TMEM120B: variants seen among roughly 807,000 people sequenced by gnomAD.
TMEM120B encodes transmembrane protein 120B.
TMEM120B carries 31 observed loss-of-function variants against 55.5 expected under a neutral mutation model. The ratio of observed to expected loss-of-function variants is 0.56; its 90% CI spans 0.42 to 0.75. TMEM120B has a LOEUF of 0.75. TMEM120B is among the 30% of genes least tolerant of loss of function. The pLI is 0.00. For missense variants in TMEM120B, 399 were observed against 425.5 expected (o/e 0.94, Z 0.55); for synonymous variants, 203 against 176.3 (o/e 1.15, Z -1.20).
At chr12:121,761,453 A>G (rs933350508) in intron 5 of TMEM120B, among the ~76,000 whole-genome samples, 196 bp from the exon 6 acceptor site, 1 of 152,192 alleles carries the variant, frequency 6.6e-6, no homozygotes, top group African/African-American at 2.4e-5. Flanking sequence ...GAGGAGGTTC[A>G]GAGGCATTTG....
At chr12:121,715,398 C>T (rs1309613461) in intron 1 of TMEM120B, among the ~76,000 whole-genome samples, 1 of 152,118 alleles carries the variant, frequency 6.6e-6, no homozygotes, top group Non-Finnish European at 1.5e-5. Flanking sequence ...CAATTAACAG[C>T]AATTAGATAG....
At position 121,758,826 on chromosome 12, in the gene TMEM120B, G is replaced by A. The variant is rs886739098; in HGVS notation, c.462-2823G>A. The stretch of plus-strand genomic sequence containing the variant: ...TGCTGTGGTCACCATGGAGGAGGAC[G>A]GCCTAGCTCCACGTTGTGGTCACCA... On this transcript the variant is annotated intron_variant, in intron 5 of 11. Transcript: ENST00000449592. 7 of 979,074 alleles carry A rather than the reference G, an allele frequency of 7.1e-6. No homozygotes were observed. In the African/African-American group the frequency reaches 7.3e-5, roughly 10 times the overall value. 60.6% of individuals were successfully genotyped at this position (979,074 alleles called of 1,614,324 possible).
At chr12:121,726,197 A>G (rs1422725104) in intron 1 of TMEM120B, among the ~76,000 whole-genome samples, 1 of 152,054 alleles carries the variant, frequency 6.6e-6, no homozygotes, top group Non-Finnish European at 1.5e-5. Flanking sequence ...TGGTTGTACA[A>G]CCTGGTAAAT....
intron 4 of TMEM120B, among the ~76,000 whole-genome samples, chr12:121,751,094 CCCCACA>C (rs1169934114): frequency 1.5e-5 from 2 of 134,754 alleles, no homozygotes; most frequent in East Asian, 2.4e-4. Context: ...CACACCTACA[CCCCACA>C]CCCACACCCC....
At position 121,774,647 on chromosome 12, in the gene TMEM120B, C is replaced by T. The variant is rs78876707; in HGVS notation, c.773-11C>T. The stretch of plus-strand genomic sequence containing the variant: ...CCTCAGCGGGTCCTTTTTCTTCCCT[C>T]CTCTCCACAGAAGGGTTCCAGTCCT... On this transcript the variant is annotated splice_polypyrimidine_tract_variant and intron_variant, in intron 9 of 11. Transcript: ENST00000449592. 3.0e-3 allele frequency: 4,900 copies of T among 1,613,470 alleles called. 140 individuals carry two copies. The African/African-American group carries it at 0.058, about 19-fold the overall frequency.
At chr12:121,722,424 A>G (rs552808547) in intron 1 of TMEM120B, among the ~76,000 whole-genome samples, 1 of 152,310 alleles carries the variant, frequency 6.6e-6, no homozygotes, top group South Asian at 2.1e-4. Context: ...TAAGTAATAC[A>G]TATTCACACA....
At chr12:121,728,896 G>A (rs1160641839) in intron 1 of TMEM120B, among the ~76,000 whole-genome samples, 1 of 152,178 alleles carries the variant, frequency 6.6e-6, no homozygotes, top group Non-Finnish European at 1.5e-5. Flanking sequence ...TCAGAACTAG[G>A]GAGAGAAGAG....
In TMEM120B at chr12:121,775,656, C is replaced by A; in HGVS notation, c.954C>A (p.Phe318Leu). 6.2e-7 allele frequency: 1 copy of A among 1,614,080 alleles called. No individual in the cohort carries two copies. Among genetic ancestry groups the A allele is most frequent in the Non-Finnish European group, 8.5e-7 (1 of 1,179,970 alleles). The change falls in exon 12 of 12, where the codon TTC becomes TTA. Residue 318 changes from phenylalanine (F) to leucine (L), a missense_variant. Physicochemically the swap from Phe to Leu is conservative, Grantham distance 22. This residue lies in a region of TMEM120B where 260 missense variants were observed against 303.9 expected (regional missense o/e 0.86). Transcript: ENST00000449592. This position sits in a 1 kb window ranked among gnomAD's most constrained non-coding sequence, Gnocchi z 4.3. ...FTFLILFLGN[F>L]LTTLKVVHAK... Reference sequence around the variant, plus strand: ...TCCTCATCCTCTTCCTCGGCAACTTCCTGACCACGCTCAAAGTCGTGCATG... The same window carrying A: ...TCCTCATCCTCTTCCTCGGCAACTTACTGACCACGCTCAAAGTCGTGCATG...
chr12:121,735,696 CTT>C (rs1325236487), intron 1 of TMEM120B, among the ~76,000 whole-genome samples: 2 of 122,202 alleles, frequency 1.6e-5, no homozygotes. Context: ...CGTGCCCGGC[CTT>C]TTTTTTTTTT....
intron 1 of TMEM120B, among the ~76,000 whole-genome samples, chr12:121,730,487 A>G (rs1894978952): frequency 6.6e-6 from 1 of 150,698 alleles, no homozygotes; most frequent in East Asian, 2.0e-4. Flanking sequence ...TCTACTAAAA[A>G]AAAAAATACA....
At position 121,769,715 on chromosome 12, in the gene TMEM120B, CGT is replaced by C. The variant is rs63639861; in HGVS notation, c.552-1171_552-1170del. On this transcript the variant is annotated intron_variant, in intron 6 of 11. Transcript: ENST00000449592. ...GAGACCCTGCCTGGAAAAGAGAAAA[CGT>C]GTGTGTGTGTGTGTGTGTGTACATG... is the stretch of plus-strand genomic sequence containing the variant. 9.2e-3 allele frequency among the ~76,000 whole-genome samples: 1,360 copies of C among 148,360 alleles called. 46 individuals are homozygous for C. Among genetic ancestry groups the C allele is most frequent in the East Asian group, 0.081 (404 of 5,002 alleles).
chr12:121,713,850 G>A (rs1894645885), intron 1 of TMEM120B, among the ~76,000 whole-genome samples: 1 of 152,158 alleles, frequency 6.6e-6, no homozygotes, highest in African/African-American at 2.4e-5. Flanking sequence ...TCACGGGATT[G>A]TTTTTCGGGG....
chr12:121,713,019 C>A, intron 1 of TMEM120B, 55 bp downstream of exon 1: 3 of 1,426,088 alleles, frequency 2.1e-6, no homozygotes, highest in Middle Eastern at 3.5e-4. Context: ...CAGCGCCTTG[C>A]CCTTCCTGAG....
chr12:121,719,623 G>A (rs1012308054), intron 1 of TMEM120B, among the ~76,000 whole-genome samples: 1 of 152,116 alleles, frequency 6.6e-6, no homozygotes, highest in Non-Finnish European at 1.5e-5. Flanking sequence ...CAGTGGCATC[G>A]ATTGGACACT....
intron 1 of TMEM120B, among the ~76,000 whole-genome samples, chr12:121,718,107 G>A (rs1380140182): frequency 6.6e-6 from 1 of 152,138 alleles, no homozygotes; most frequent in East Asian, 1.9e-4. Context: ...AAAAACAAAG[G>A]CTGACAATAA....
In TMEM120B at chr12:121,775,195, G is replaced by A. The variant is rs1349477573; in HGVS notation, c.906+65G>A. The stretch of plus-strand genomic sequence containing the variant: ...AGGGCTGGGGTGGCAGGGATGGGGT[G>A]TATGTGTGGCATGCTGGGGTGCGGA... On this transcript the variant is annotated intron_variant, in intron 11 of 11. Coordinates refer to ENST00000449592, the MANE Select transcript of TMEM120B (RefSeq NM_001080825.2). This position sits in a 1 kb window ranked among gnomAD's most constrained non-coding sequence, Gnocchi z 4.3. 1.2e-5 allele frequency: 17 copies of A among 1,422,456 alleles called. No individual in the cohort carries two copies. In the East Asian group the frequency reaches 2.1e-4, roughly 18 times the overall value. 88.1% of individuals were successfully genotyped at this position (1,422,456 alleles called of 1,614,324 possible).
chr12:121,771,509 G>A lies in TMEM120B; in HGVS notation c.639G>A (p.Gln213=), dbSNP rs773534316. The change falls in exon 8 of 12, where the codon CAG becomes CAA. Residue 213 remains glutamine, a synonymous_variant. Transcript: ENST00000449592. Reference sequence around the variant, plus strand: ...CCAGGCCTAATGGACCCATTTATCAGAAGTTTCGCAACCAGTTCTTAGCAT... The same window carrying A: ...CCAGGCCTAATGGACCCATTTATCAAAAGTTTCGCAACCAGTTCTTAGCAT... ...MLTWPNGPIY[Q]KFRNQFLAFS... 10 of 1,613,972 alleles carry A rather than the reference G, an allele frequency of 6.2e-6. No individual in the cohort carries two copies. Among genetic ancestry groups the A allele is most frequent in the Non-Finnish European group, 7.6e-6 (9 of 1,180,018 alleles).
chr12:121,720,535 C>T (rs1023850002), intron 1 of TMEM120B, among the ~76,000 whole-genome samples: 1 of 152,036 alleles, frequency 6.6e-6, no homozygotes, highest in African/African-American at 2.4e-5. Context: ...CATGGCAAAA[C>T]CCCTGTCTCT....
At position 121,775,061 on chromosome 12, in the gene TMEM120B, G is replaced by A; in HGVS notation, c.838-1G>A. 1.2e-6 allele frequency: 2 copies of A among 1,611,946 alleles called. No individual in the cohort carries two copies. Among genetic ancestry groups the A allele is most frequent in the South Asian group, 2.2e-5 (2 of 91,020 alleles). On this transcript the variant is annotated splice_acceptor_variant, in intron 10 of 11. Coordinates refer to ENST00000449592, the MANE Select transcript of TMEM120B (RefSeq NM_001080825.2). LOFTEE classifies it high-confidence loss of function. The surrounding 1 kb of genome is among the most constrained non-coding windows in gnomAD (Gnocchi z 4.3). Reference sequence around the variant, plus strand: ...TGAGCAGCGCCTGCCTTCCTCTCCAGTTCTGGCAGCTCTACAATGCCGTCA... The same window carrying A: ...TGAGCAGCGCCTGCCTTCCTCTCCAATTCTGGCAGCTCTACAATGCCGTCA...
Sources: allele counts gnomAD v4.1 joint callset (sites outside exome capture counted in the v4.1 genomes callset), GRCh38; gene constraint gnomAD v4.1.1; regional missense constraint gnomAD v4.1.1; non-coding constraint Gnocchi (gnomAD v3.1); transcripts MANE v1.5; gene names NCBI Gene and HGNC (gene_info 2026-07-23, HGNC 2026-07-21).